The following HAUS3 variants were observed in gnomAD, a reference collection of about 807,000 sequenced individuals.
HAUS3 encodes HAUS augmin-like complex subunit 3.
HAUS3 carries 36 observed loss-of-function variants against 55.2 expected under a neutral mutation model. That is an observed-to-expected ratio of 0.65 (90% CI 0.50 to 0.86). HAUS3 has a LOEUF of 0.86. Ranked by LOEUF, HAUS3 falls within the 40% of genes least tolerant of loss-of-function variation. HAUS3 has a pLI of 0.00. For synonymous variants in HAUS3, 234 were observed against 238.6 expected (o/e 0.98, Z 0.18); for missense variants, 752 against 671.5 (o/e 1.12, Z -1.33).
At chr4:2,235,752 T>C (rs1734737719) in intron 5 of HAUS3, among the ~76,000 whole-genome samples, 1 of 152,128 alleles carries the variant, frequency 6.6e-6, no homozygotes, top group Non-Finnish European at 1.5e-5. Context: ...TAGGAATATA[T>C]ATATATGTGT....
In HAUS3 at chr4:2,241,534, G is replaced by C; in HGVS notation, c.-162C>G. 1 of 985,872 alleles carries C rather than the reference G, an allele frequency of 1.0e-6. No homozygotes were observed. Among genetic ancestry groups the C allele is most frequent in the Non-Finnish European group, 1.2e-6 (1 of 830,266 alleles). The allele number at this position is 985,872 out of a possible 1,614,324, so 61.1% of individuals were successfully genotyped here. On this transcript the variant is annotated 5_prime_UTR_variant, in exon 2 of 6. Coordinates refer to ENST00000443786, the MANE Select transcript of HAUS3 (RefSeq NM_001303143.2). The stretch of plus-strand genomic sequence containing the variant: ...TAAATATTTACCTCAACGTCTCGCC[G>C]GGCAAGGCTCCACCTCCAGAGTCCA...
At position 2,232,133 on chromosome 4, in the gene HAUS3, C is replaced by A; in HGVS notation, c.1606G>T (p.Glu536Ter). The change falls in exon 6 of 6, where the codon GAA (glutamate) becomes TAA (stop). Residue 536 changes from glutamate (E) to a stop codon, truncating the protein, a stop_gained. Transcript: ENST00000443786. LOFTEE classifies it high-confidence loss of function. ...TGATTTAGCTTATTCAGTTGAGATT[C>A]AACTTTATGAAACTGCTCTGTTAAC... ...QELTEQFHKV[E>*]SQLNKLNHLL... is the part of the protein sequence containing the mutation. 6.4e-7 allele frequency: 1 copy of A among 1,570,574 alleles called. No homozygotes were observed. Among genetic ancestry groups the A allele is most frequent in the South Asian group, 1.2e-5 (1 of 81,732 alleles).
chr4:2,234,086 G>C (rs10428360), intron 5 of HAUS3, among the ~76,000 whole-genome samples: 6,252 of 152,200 alleles, frequency 0.041, 468 homozygotes, highest in African/African-American at 0.14. Flanking sequence ...AAAATACCCA[G>C]TAACAATAAC....
rs1191695426 is a variant in HAUS3 at position 2,241,022 on chromosome 4, A to C, written c.-76T>G. 1 of 1,096,382 alleles carries C rather than the reference A, an allele frequency of 9.1e-7. No homozygotes were observed. The highest frequency in any genetic ancestry group is 1.3e-6 in the Non-Finnish European group (1 of 756,108). 67.9% of individuals were successfully genotyped at this position (1,096,382 alleles called of 1,614,324 possible). ...ATTTTTAGAAAATAAATCCAAGCAG[A>C]AAAAAAGCTACGTTTTATACCAAGT... On this transcript the variant is annotated 5_prime_UTR_variant, in exon 3 of 6. Coordinates refer to ENST00000443786, the MANE Select transcript of HAUS3 (RefSeq NM_001303143.2).
Position 2,238,653 on chromosome 4 carries a change from G to C in HAUS3, c.1300C>G (p.Gln434Glu). ...TCAATGGTATTCCTTGGATTTATCT[G>C]TTGAGAAACTGATGGATCTGTTAAC... ...EMLTDPSVSQ[Q>E]INPRNTIDTK... The change falls in exon 4 of 6, where the codon CAG (glutamine) becomes GAG (glutamate). Residue 434 changes from glutamine to glutamate, a missense_variant. By Grantham distance (29) the Gln-to-Glu change is conservative (BLOSUM62 2). Coordinates refer to ENST00000443786, the MANE Select transcript of HAUS3 (RefSeq NM_001303143.2). The C allele has an allele frequency of 6.2e-7, 1 of 1,612,346 alleles. No individual in the cohort carries two copies. The highest frequency in any genetic ancestry group is 8.5e-7 in the Non-Finnish European group (1 of 1,178,666).
At position 2,230,818 on chromosome 4, in the gene HAUS3, C is replaced by T. The variant is rs1734555129; in HGVS notation, c.*1109G>A. 6.6e-6 allele frequency: 1 copy of T among 152,138 alleles called. No individual in the cohort carries two copies. Among genetic ancestry groups the T allele is most frequent in the Non-Finnish European group, 1.5e-5 (1 of 68,044 alleles). 9.4% of individuals were successfully genotyped at this position (152,138 alleles called of 1,614,324 possible). ...ATGTATAAATTGGGCACTCAAGAAG[C>T]ATCTGATGTAATAACAGATGAGCTA... On this transcript the variant is annotated 3_prime_UTR_variant, in exon 6 of 6. Transcript: ENST00000443786.
Position 2,241,600 on chromosome 4 carries a change from C to T in HAUS3, c.-228G>A, listed in dbSNP as rs1734990981. ...GAACAGCAGGAGCAGCAGGGAAGCG[C>T]GCGGCCACAATTAAGGGTGCTTCGG... On this transcript the variant is annotated 5_prime_UTR_variant, in exon 2 of 6. Coordinates refer to ENST00000443786, the MANE Select transcript of HAUS3 (RefSeq NM_001303143.2). The T allele has an allele frequency of 3.0e-6, 3 of 985,402 alleles. No homozygotes were observed. The highest frequency in any genetic ancestry group is 3.5e-5 in the African/African-American group (2 of 57,242). 61.0% of individuals were successfully genotyped at this position (985,402 alleles called of 1,614,324 possible).
intron 5 of HAUS3, among the ~76,000 whole-genome samples, chr4:2,233,766 GA>G (rs1734662677): frequency 6.6e-6 from 1 of 152,080 alleles, no homozygotes; most frequent in Non-Finnish European, 1.5e-5. Context: ...TTCTTAATAA[GA>G]AAACATTGTG....
chr4:2,237,260 A>T (rs559675382), intron 4 of HAUS3, among the ~76,000 whole-genome samples: 16 of 146,898 alleles, frequency 1.1e-4, no homozygotes, highest in Non-Finnish European at 1.9e-4. Flanking sequence ...TTGAAGCCCC[A>T]TCTCTACAAA....
At position 2,239,049 on chromosome 4, in the gene HAUS3, C is replaced by G. The variant is rs917242666; in HGVS notation, c.910-6G>C. The G allele has an allele frequency of 2.1e-6, 3 of 1,437,688 alleles. No individual in the cohort carries two copies. Among genetic ancestry groups the G allele is most frequent in the Non-Finnish European group, 2.8e-6 (3 of 1,083,588 alleles). The allele number at this position is 1,437,688 out of a possible 1,614,324, so 89.1% of individuals were successfully genotyped here. On this transcript the variant is annotated splice_region_variant and splice_polypyrimidine_tract_variant and intron_variant, in intron 3 of 5. Transcript: ENST00000443786. ...AAATTTTCTTTGTCCACAGCCTATA[C>G]AAAGAAAAGCAATTACATTTCAAAC...
Position 2,240,794 on chromosome 4 carries a change from G to T in HAUS3, c.153C>A (p.Asn51Lys), listed in dbSNP as rs774100769. The T allele has an allele frequency of 6.2e-7, 1 of 1,613,762 alleles. No individual in the cohort carries two copies. Among genetic ancestry groups the T allele is most frequent in the South Asian group, 1.1e-5 (1 of 91,036 alleles). The change falls in exon 3 of 6, where the codon AAC becomes AAA. Residue 51 changes from asparagine to lysine, a missense_variant. Transcript: ENST00000443786. ...KWFCGNVNEQNVLSERELEAF... is the reference protein window; with the variant it reads ...KWFCGNVNEQKVLSERELEAF... ...CTTCCAATTCTCTTTCAGACAACAC[G>T]TTCTGTTCATTCACATTCCCACAAA...
Position 2,240,721 on chromosome 4 carries a change from C to A in HAUS3, c.226G>T (p.Ala76Ser), listed in dbSNP as rs1001487087. ...KSGKPILEGA[A>S]LDEALKTCKT... ...CACGTTTTAAGAGCTTCATCCAATG[C>A]CGCCCCTTCTAGAATAGGCTTGCCT... is the stretch of plus-strand genomic sequence containing the variant. The change falls in exon 3 of 6, where the codon GCA becomes TCA. Residue 76 changes from alanine to serine, a missense_variant. Coordinates refer to ENST00000443786, the MANE Select transcript of HAUS3 (RefSeq NM_001303143.2). 1 of 1,614,008 alleles carries A rather than the reference C, an allele frequency of 6.2e-7. No individual in the cohort carries two copies. The highest frequency in any genetic ancestry group is 8.5e-7 in the Non-Finnish European group (1 of 1,179,988).
In HAUS3 at chr4:2,231,990, C is replaced by T. The variant is rs769323605; in HGVS notation, c.1749G>A (p.Leu583=). 1.3e-6 allele frequency: 2 copies of T among 1,494,990 alleles called. No individual in the cohort carries two copies. Among genetic ancestry groups the T allele is most frequent in the Non-Finnish European group, 9.3e-7 (1 of 1,079,450 alleles). 92.6% of individuals were successfully genotyped at this position (1,494,990 alleles called of 1,614,324 possible). Residue 583 remains leucine (L), a synonymous_variant, in exon 6 of 6, where the codon CTG becomes CTA. Transcript: ENST00000443786. ...TTTCTAAATTCTCCACAATATCTTT[C>T]AGATAATCTTCATCTTTTAAAAAAT... ...YVYFLKDEDY[L]KDIVENLETQ... is the part of the protein sequence containing the mutation.
At chr4:2,232,651 T>A (rs535060201) in intron 5 of HAUS3, among the ~76,000 whole-genome samples, 1 of 152,008 alleles carries the variant, frequency 6.6e-6, no homozygotes, top group South Asian at 2.1e-4. Flanking sequence ...TTTTTTCATA[T>A]TGTCTTACCA....
Position 2,231,784 on chromosome 4 carries a change from A to C in HAUS3, c.*143T>G. The stretch of plus-strand genomic sequence containing the variant: ...ATTCTGAATGTACTACATGAGAAAA[A>C]AGACAAATTAATATAATAGTTCAAT... On this transcript the variant is annotated 3_prime_UTR_variant, in exon 6 of 6. Transcript: ENST00000443786. 1 of 556,128 alleles carries C rather than the reference A, an allele frequency of 1.8e-6. No homozygotes were observed. Among genetic ancestry groups the C allele is most frequent in the Non-Finnish European group, 3.2e-6 (1 of 313,636 alleles). The allele number at this position is 556,128 out of a possible 1,614,324, so 34.4% of individuals were successfully genotyped here.
At chr4:2,238,488 C>A in intron 4 of HAUS3, 116 bp downstream of exon 4, 20 of 573,054 alleles carry the variant, frequency 3.5e-5, no homozygotes, top group South Asian at 2.3e-4. Flanking sequence ...ATAGAAAGGC[C>A]AAAAGTGAAA....
intron 5 of HAUS3, among the ~76,000 whole-genome samples, chr4:2,234,859 G>GA (rs977855980): frequency 9.9e-5 from 15 of 152,088 alleles, no homozygotes; most frequent in South Asian, 8.3e-4. Context: ...AATACATAGA[G>GA]AAAAAAATGA....
At chr4:2,237,915 A>G (rs1319474003) in intron 4 of HAUS3, among the ~76,000 whole-genome samples, 1 of 151,338 alleles carries the variant, frequency 6.6e-6, no homozygotes, top group East Asian at 1.9e-4. Context: ...TAACTACACA[A>G]TTCCAGGGGT....
Position 2,229,802 on chromosome 4 carries a change from A to T in HAUS3, c.*2125T>A, listed in dbSNP as rs1734514260. 1 of 152,202 alleles carries T rather than the reference A, an allele frequency of 6.6e-6. No homozygotes were observed. The highest frequency in any genetic ancestry group is 1.5e-5 in the Non-Finnish European group (1 of 68,102). 9.4% of individuals were successfully genotyped at this position (152,202 alleles called of 1,614,324 possible). ...CATGCCACTGCACTCCAGCCTGGGC[A>T]ACAAGAGTGAAACTCCGTCTCAAAA... On this transcript the variant is annotated 3_prime_UTR_variant, in exon 6 of 6. Coordinates refer to ENST00000443786, the MANE Select transcript of HAUS3 (RefSeq NM_001303143.2).
Sources: allele counts gnomAD v4.1 joint callset (sites outside exome capture counted in the v4.1 genomes callset), GRCh38; gene constraint gnomAD v4.1.1; transcripts MANE v1.5; gene names NCBI Gene and HGNC (gene_info 2026-07-23, HGNC 2026-07-21).